MGAT4C: variants seen among roughly 807,000 people sequenced by gnomAD.
The protein encoded by MGAT4C is alpha-1,3-mannosyl-glycoprotein 4-beta-N-acetylglucosaminyltransferase C.
In MGAT4C, 19 loss-of-function variants were observed where a neutral mutation model predicts 40.1. The observed-to-expected ratio is 0.47, with a 90% CI of 0.33 to 0.70. The LOEUF (loss-of-function observed/expected upper bound fraction) is 0.70, where lower values mean the gene tolerates loss of function less well. Among genes scored for constraint, MGAT4C ranks in the 30% least tolerant of loss-of-function variants. MGAT4C has a pLI of 0.02. For synonymous variants in MGAT4C, 181 were observed against 187.1 expected (o/e 0.97, Z 0.27); for missense variants, 491 against 563.2 (o/e 0.87, Z 1.30).
intron 2 of MGAT4C, among the ~76,000 whole-genome samples, chr12:86,486,510 T>G (rs1473517382): frequency 6.6e-6 from 1 of 151,960 alleles, no homozygotes; most frequent in Non-Finnish European, 1.5e-5. Context: ...AAAGGTTCAA[T>G]TTAATAAGAA....
At chr12:86,098,950 A>C (rs1874429601) in intron 1 of MGAT4C, among the ~76,000 whole-genome samples, 1 of 151,594 alleles carries the variant, frequency 6.6e-6, no homozygotes, top group African/African-American at 2.4e-5. Flanking sequence ...ATTCAATTAC[A>C]GATAACCTTT....
At chr12:86,796,599 C>G (rs1952125811) in intron 1 of MGAT4C, among the ~76,000 whole-genome samples, 1 of 151,820 alleles carries the variant, frequency 6.6e-6, no homozygotes, top group African/African-American at 2.4e-5. Flanking sequence ...GGAAGAAATT[C>G]AAGAGAGCTA....
chr12:86,356,565 T>C (rs535828776), intron 3 of MGAT4C, among the ~76,000 whole-genome samples: 3 of 152,144 alleles, frequency 2.0e-5, no homozygotes, highest in Admixed American at 6.5e-5. Flanking sequence ...GAATTCCCTT[T>C]CCTAGCCAAG....
intron 2 of MGAT4C, among the ~76,000 whole-genome samples, chr12:86,566,693 A>G (rs1428417037): frequency 1.4e-5 from 2 of 145,706 alleles, no homozygotes; most frequent in Non-Finnish European, 3.0e-5. Flanking sequence ...TGTATATATT[A>G]TATGTATTAT....
chr12:86,415,305 C>T (rs1380440469), intron 3 of MGAT4C, among the ~76,000 whole-genome samples: 1 of 151,952 alleles, frequency 6.6e-6, no homozygotes, highest in Non-Finnish European at 1.5e-5. Context: ...TTTATTTCCT[C>T]AACTCTCATG....
intron 1 of MGAT4C, among the ~76,000 whole-genome samples, chr12:86,222,850 C>A (rs1417040950): frequency 1.3e-5 from 2 of 152,100 alleles, no homozygotes; most frequent in Admixed American, 6.5e-5. Flanking sequence ...AGTCGATTGG[C>A]AGGAATTGTC....
chr12:86,690,674 T>C (rs746093546), intron 2 of MGAT4C, among the ~76,000 whole-genome samples: 1 of 152,088 alleles, frequency 6.6e-6, no homozygotes, highest in Non-Finnish European at 1.5e-5. Flanking sequence ...GGTACCTTAG[T>C]TGGAAATGCA....
intron 3 of MGAT4C, among the ~76,000 whole-genome samples, chr12:86,394,359 T>G (rs1469914237): frequency 6.6e-6 from 1 of 151,750 alleles, no homozygotes; most frequent in Admixed American, 6.6e-5. Flanking sequence ...TATTAAGTCA[T>G]TCTAAAGTTA....
At position 85,960,394 on chromosome 12, in the gene MGAT4C, T is replaced by G. The variant is rs1184834922; in HGVS notation, c.*18895A>C. 6.6e-6 allele frequency: 1 copy of G among 152,066 alleles called. No homozygotes were observed. Among genetic ancestry groups the G allele is most frequent in the Non-Finnish European group, 1.5e-5 (1 of 67,932 alleles). The allele number at this position is 152,066 out of a possible 1,614,324, so 9.4% of individuals were successfully genotyped here. A position where few individuals can be genotyped will look rare whatever the true frequency, so the allele number is the denominator to read the frequency against. On this transcript the variant is annotated 3_prime_UTR_variant, in exon 5 of 5. Coordinates refer to ENST00000611864, the MANE Select transcript of MGAT4C (RefSeq NM_001351288.2). ...AGTCTGAATTATGACTTCACTACTG[T>G]GTCGTCATTGGTAGAATAAGGATAA...
At chr12:86,047,156 C>T (rs1232665906) in intron 2 of MGAT4C, among the ~76,000 whole-genome samples, 1 of 152,070 alleles carries the variant, frequency 6.6e-6, no homozygotes, top group Non-Finnish European at 1.5e-5. Flanking sequence ...AGAACTGCTG[C>T]ACTTTTTTTC....
At chr12:86,124,584 C>A (rs1460983795) in intron 1 of MGAT4C, among the ~76,000 whole-genome samples, 2 of 151,920 alleles carry the variant, frequency 1.3e-5, no homozygotes, top group Admixed American at 6.6e-5. Context: ...ATCAGTGGAG[C>A]AGATGTGGCT....
chr12:86,240,014 C>G (rs1464315285), intron 1 of MGAT4C, among the ~76,000 whole-genome samples: 2 of 120,998 alleles, frequency 1.7e-5, no homozygotes. Context: ...TACCCTAAAA[C>G]TTAGAGTATA....
chr12:86,595,849 C>G (rs1183958875), intron 2 of MGAT4C, among the ~76,000 whole-genome samples: 1 of 152,114 alleles, frequency 6.6e-6, no homozygotes, highest in Non-Finnish European at 1.5e-5. Context: ...CAATTAGTCA[C>G]CACAAAGTTA....
rs561336822 is a variant in MGAT4C, at chr12:86,170,532, G to A, written c.-57+85707C>T. 3.9e-5 allele frequency among the ~76,000 whole-genome samples: 6 copies of A among 152,232 alleles called. No homozygotes were observed. The South Asian group carries it at 1.2e-3, about 32-fold the overall frequency. On this transcript the variant is annotated intron_variant, in intron 1 of 4. Coordinates refer to ENST00000611864, the MANE Select transcript of MGAT4C (RefSeq NM_001351288.2). ...GTGTGCTAACTGGTTTGCAAACATTGTTTCATGTCATGTAAAAGGCTAATG... is the reference window on the plus strand; with the variant it reads ...GTGTGCTAACTGGTTTGCAAACATTATTTCATGTCATGTAAAAGGCTAATG...
chr12:86,353,286 C>G (rs935304374), intron 3 of MGAT4C, among the ~76,000 whole-genome samples: 4 of 152,100 alleles, frequency 2.6e-5, no homozygotes, highest in African/African-American at 9.7e-5. Flanking sequence ...ATGTCACACT[C>G]TCTTCCGCTG....
At chr12:86,814,652 T>C (rs1952565709) in intron 1 of MGAT4C, among the ~76,000 whole-genome samples, 1 of 151,988 alleles carries the variant, frequency 6.6e-6, no homozygotes, top group Non-Finnish European at 1.5e-5. Flanking sequence ...GAAATTCATG[T>C]GTTGAAATCT....
intron 3 of MGAT4C, among the ~76,000 whole-genome samples, chr12:86,421,051 T>G (rs940836318): frequency 5.3e-5 from 8 of 152,038 alleles, no homozygotes; most frequent in African/African-American, 1.9e-4. Context: ...AGTGAGACAT[T>G]GTGAACCAAA....
intron 4 of MGAT4C, among the ~76,000 whole-genome samples, chr12:86,304,835 TCAAATGATATTAC>T (rs1324517548): frequency 1.3e-5 from 2 of 150,496 alleles, no homozygotes; most frequent in Non-Finnish European, 2.9e-5. Flanking sequence ...AAGATGCAAG[TCAAATGATATTAC>T]CAAATGGCAG....
intron 1 of MGAT4C, among the ~76,000 whole-genome samples, chr12:86,126,504 T>C (rs1035550617): frequency 1.3e-5 from 2 of 152,154 alleles, no homozygotes; most frequent in African/African-American, 4.8e-5. Context: ...CAAAAACTAT[T>C]GCACCAAGTC....
Sources: allele counts gnomAD v4.1 joint callset (sites outside exome capture counted in the v4.1 genomes callset), GRCh38; gene constraint gnomAD v4.1.1; transcripts MANE v1.5; gene names NCBI Gene and HGNC (gene_info 2026-07-23, HGNC 2026-07-21).